Variants in MORC1 observed in about 807,000 individuals in gnomAD.
The protein encoded by MORC1 is MORC family CW-type zinc finger 1, also known as MORC family CW-type zinc finger protein 1.
Under a neutral mutation model 134.9 loss-of-function variants are expected in MORC1, and 59 were observed. That is an observed-to-expected ratio of 0.44 (90% CI 0.35 to 0.54). The LOEUF (loss-of-function observed/expected upper bound fraction) is 0.54, where lower values mean the gene tolerates loss of function less well. Ranked by LOEUF, MORC1 falls within the 20% of genes least tolerant of loss-of-function variation. The pLI, the probability that MORC1 is intolerant of heterozygous loss-of-function variation, is 0.00. For missense variants in MORC1, 947 were observed against 1,134.5 expected, an observed-to-expected ratio of 0.83 and a Z score of 2.37; for synonymous variants, 395 against 391.7, an observed-to-expected ratio of 1.01 and a Z score of -0.10.
intron 8 of MORC1, among the ~76,000 whole-genome samples, chr3:109,071,632 C>T (rs1950319024): frequency 6.6e-6 from 1 of 152,170 alleles, no homozygotes; most frequent in Non-Finnish European, 1.5e-5. Context: ...CTCTCCTTCT[C>T]ATGAAAGTTC....
chr3:109,016,033 A>G (rs1422435173), intron 17 of MORC1, among the ~76,000 whole-genome samples: 1 of 152,186 alleles, frequency 6.6e-6, no homozygotes, highest in African/African-American at 2.4e-5. Context: ...CACCTCATAC[A>G]CACAGTCTCA....
chr3:109,103,951 C>T (rs561049041), intron 3 of MORC1, 34 bp from the exon 4 acceptor site: 13 of 1,572,210 alleles, frequency 8.3e-6, no homozygotes, highest in East Asian at 6.7e-5. Flanking sequence ...TAATAAATAT[C>T]GGGCTTAATT....
In MORC1 at chr3:108,984,791, G is replaced by T. The variant is rs201641494; in HGVS notation, c.2258-9C>A. The T allele has an allele frequency of 6.3e-7, 1 of 1,599,548 alleles. No individual in the cohort carries two copies. The highest frequency in any genetic ancestry group is 8.5e-7 in the Non-Finnish European group (1 of 1,175,490). On this transcript the variant is annotated splice_polypyrimidine_tract_variant and intron_variant, in intron 22 of 27. Transcript: ENST00000232603. ...GCACAGCTCCTGTTTTTCTTCAAAA[G>T]AACATAGACAAACAATCGCATTTGG...
intron 8 of MORC1, among the ~76,000 whole-genome samples, chr3:109,092,273 G>T (rs1462892630): frequency 1.3e-5 from 2 of 152,090 alleles, no homozygotes; most frequent in African/African-American, 4.8e-5. Context: ...GTGTATATTA[G>T]GAATTCTACA....
At chr3:109,103,371 T>C (rs895688244) in intron 4 of MORC1, among the ~76,000 whole-genome samples, 6 of 152,208 alleles carry the variant, frequency 3.9e-5, no homozygotes, top group African/African-American at 1.2e-4. Context: ...GGAACATTCA[T>C]TTGAAGCAAG....
At chr3:109,079,410 G>C (rs1950484760) in intron 8 of MORC1, among the ~76,000 whole-genome samples, 1 of 151,886 alleles carries the variant, frequency 6.6e-6, no homozygotes, top group Non-Finnish European at 1.5e-5. Flanking sequence ...GAAACCTGTA[G>C]AATACAGCTA....
chr3:109,061,865 A>C (rs562885823), intron 11 of MORC1, 123 bp downstream of exon 11: 547 of 886,352 alleles, frequency 6.2e-4, no homozygotes, highest in Non-Finnish European at 8.9e-4. Flanking sequence ...AAATCAACTT[A>C]ATCTTCTGAG....
At chr3:109,113,842 T>C (rs951484675) in intron 2 of MORC1, among the ~76,000 whole-genome samples, 9 of 152,224 alleles carry the variant, frequency 5.9e-5, no homozygotes, top group Non-Finnish European at 1.3e-4. Flanking sequence ...CTGCCAAATA[T>C]GAATTATGTG....
At chr3:109,029,408 G>C (rs114904754) in intron 16 of MORC1, among the ~76,000 whole-genome samples, 2,178 of 152,252 alleles carry the variant, frequency 0.014, 26 homozygotes, top group Non-Finnish European at 0.024. Context: ...CATTTTATTA[G>C]AATGCAATTC....
chr3:109,027,935 A>G (rs1304784277), intron 16 of MORC1, 46 bp from the exon 17 acceptor site: 1 of 1,587,706 alleles, frequency 6.3e-7, no homozygotes, highest in Non-Finnish European at 8.6e-7. Context: ...GAAATATAAA[A>G]CTACTTACTG....
chr3:109,104,498 T>C (rs925892569), intron 3 of MORC1, among the ~76,000 whole-genome samples: 7 of 152,156 alleles, frequency 4.6e-5, no homozygotes, highest in Admixed American at 1.3e-4. Context: ...GAAGATATCA[T>C]TAAATTACAT....
chr3:109,061,343 T>C (rs1950079123), intron 11 of MORC1, among the ~76,000 whole-genome samples: 1 of 152,218 alleles, frequency 6.6e-6, no homozygotes, highest in African/African-American at 2.4e-5. Context: ...ACATGTCTTG[T>C]AGCAATATTC....
intron 9 of MORC1, among the ~76,000 whole-genome samples, chr3:109,067,173 T>G (rs984016801): frequency 6.6e-6 from 1 of 152,182 alleles, no homozygotes; most frequent in African/African-American, 2.4e-5. Context: ...GTAACACCCA[T>G]CCCAACTCAT....
At chr3:109,029,594 G>C (rs938685849) in intron 16 of MORC1, among the ~76,000 whole-genome samples, 6 of 152,058 alleles carry the variant, frequency 3.9e-5, no homozygotes, top group African/African-American at 9.7e-5. Context: ...ATAAGTGCAT[G>C]GTATGAATGT....
chr3:109,094,035 G>A (rs1367524566), intron 7 of MORC1, among the ~76,000 whole-genome samples: 1 of 152,134 alleles, frequency 6.6e-6, no homozygotes, highest in Non-Finnish European at 1.5e-5. Context: ...AGGCTTTGCA[G>A]GCCATACGGT....
At chr3:109,050,593 T>C (rs1161435128) in intron 14 of MORC1, among the ~76,000 whole-genome samples, 1 of 152,148 alleles carries the variant, frequency 6.6e-6, no homozygotes, top group East Asian at 1.9e-4. Flanking sequence ...ACATAAACAT[T>C]CAGACCATAG....
chr3:109,009,074 T>G (rs1252514489), intron 17 of MORC1, among the ~76,000 whole-genome samples: 1 of 152,190 alleles, frequency 6.6e-6, no homozygotes, highest in Non-Finnish European at 1.5e-5. Context: ...ATACAGTCAA[T>G]GCTTACATTC....
At chr3:109,102,467 G>A (rs947672913) in intron 4 of MORC1, among the ~76,000 whole-genome samples, 1 of 152,074 alleles carries the variant, frequency 6.6e-6, no homozygotes, top group African/African-American at 2.4e-5. Flanking sequence ...GACTATAAAG[G>A]GGCAAGACTA....
chr3:108,996,175 G>A (rs1037914889), intron 21 of MORC1, among the ~76,000 whole-genome samples: 1 of 152,084 alleles, frequency 6.6e-6, no homozygotes, highest in African/African-American at 2.4e-5. Context: ...GGTGAGATGA[G>A]ATGATGGAAG....
Sources: gnomAD v4.1 joint callset for allele counts (sites outside exome capture counted in the v4.1 genomes callset) on GRCh38, gnomAD v4.1.1 for gene constraint, MANE v1.5 for transcripts, NCBI Gene and HGNC (gene_info 2026-07-23, HGNC 2026-07-21) for gene names.